The following GALNT14 variants were observed in gnomAD, a reference collection of about 807,000 sequenced individuals.
The protein encoded by GALNT14 is polypeptide N-acetylgalactosaminyltransferase 14, also known as UDP-GalNAc:polypeptide N-acetylgalactosaminyltransferase 14.
GALNT14 carries 60 observed loss-of-function variants against 77.5 expected under a neutral mutation model. The ratio of observed to expected loss-of-function variants is 0.77; its 90% CI spans 0.63 to 0.96. The LOEUF is 0.96. Ranked by LOEUF, GALNT14 falls within the 40% of genes least tolerant of loss-of-function variation. The pLI is 0.00. For missense variants in GALNT14, 710 were observed against 731.0 expected (o/e 0.97, Z 0.33); for synonymous variants, 280 against 281.7 (o/e 0.99, Z 0.06).
intron 1 of GALNT14, among the ~76,000 whole-genome samples, chr2:31,075,579 G>A (rs1209189809): frequency 6.6e-6 from 1 of 152,224 alleles, no homozygotes; most frequent in East Asian, 1.9e-4. Context: ...ACAGCAGGAA[G>A]AGGCTCAGCT....
intron 13 of GALNT14, among the ~76,000 whole-genome samples, chr2:30,915,792 A>G (rs532161271): frequency 4.2e-4 from 64 of 152,324 alleles, no homozygotes; most frequent in Non-Finnish European, 6.6e-4. Flanking sequence ...CAGGCCTCTA[A>G]GACAACTTTC....
At chr2:31,025,693 A>C (rs1400415571) in intron 1 of GALNT14, among the ~76,000 whole-genome samples, 1 of 152,220 alleles carries the variant, frequency 6.6e-6, no homozygotes, top group Non-Finnish European at 1.5e-5. Context: ...GGGCAAGTGC[A>C]TGTGAGTTCT....
chr2:31,074,917 T>C (rs950288290), intron 1 of GALNT14, among the ~76,000 whole-genome samples: 1 of 152,176 alleles, frequency 6.6e-6, no homozygotes, highest in Non-Finnish European at 1.5e-5. Flanking sequence ...GGATCTAGGA[T>C]GTGACTGTGG....
intron 1 of GALNT14, among the ~76,000 whole-genome samples, chr2:31,100,096 T>G (rs922463970): frequency 3.3e-5 from 5 of 152,018 alleles, no homozygotes; most frequent in African/African-American, 1.2e-4. Flanking sequence ...AATTTATTAT[T>G]AGTTCTTTTA....
chr2:30,994,760 T>C (rs1669918033), intron 1 of GALNT14, among the ~76,000 whole-genome samples: 1 of 152,158 alleles, frequency 6.6e-6, no homozygotes, highest in Admixed American at 6.5e-5. Context: ...TCCAATTTAA[T>C]TCATCACAAT....
At chr2:31,029,748 A>G (rs554435188) in intron 1 of GALNT14, among the ~76,000 whole-genome samples, 1 of 152,328 alleles carries the variant, frequency 6.6e-6, no homozygotes, top group South Asian at 2.1e-4. Flanking sequence ...CCTGTTGCAG[A>G]GTGCTACTCA....
intron 1 of GALNT14, among the ~76,000 whole-genome samples, chr2:31,023,177 AC>A (rs201288537): frequency 1.7e-5 from 1 of 60,378 alleles, no homozygotes; most frequent in Non-Finnish European, 4.1e-5. Flanking sequence ...AAAAACAAAA[AC>A]AAAACAAGGT....
intron 10 of GALNT14, among the ~76,000 whole-genome samples, chr2:30,930,734 T>C (rs567612403): frequency 6.6e-6 from 1 of 152,362 alleles, no homozygotes; most frequent in East Asian, 1.9e-4. Flanking sequence ...AGCTAGGACC[T>C]GCAATGACAG....
chr2:31,075,124 TAA>T (rs1675678725), intron 1 of GALNT14, among the ~76,000 whole-genome samples: 1 of 152,204 alleles, frequency 6.6e-6, no homozygotes, highest in Non-Finnish European at 1.5e-5. Flanking sequence ...TCTGGTTGTT[TAA>T]AAGAGTGTGG....
chr2:30,944,132 C>T (rs1000170540), intron 8 of GALNT14, among the ~76,000 whole-genome samples: 5 of 152,180 alleles, frequency 3.3e-5, no homozygotes, highest in African/African-American at 1.2e-4. Flanking sequence ...TAAGTATTCC[C>T]AAGAGGCCCG....
intron 1 of GALNT14, among the ~76,000 whole-genome samples, chr2:31,098,491 T>A (rs1035135530): frequency 2.0e-5 from 3 of 152,146 alleles, no homozygotes; most frequent in Non-Finnish European, 2.9e-5. Flanking sequence ...TAAAAAGGCA[T>A]GCAATGAAAC....
At chr2:30,992,707 A>G in intron 2 of GALNT14, 131 bp downstream of exon 2, 3 of 1,031,480 alleles carry the variant, frequency 2.9e-6, no homozygotes, top group Non-Finnish European at 4.3e-6. Flanking sequence ...GAATCCCTTT[A>G]GTGTTCAACT....
chr2:30,898,689 C>T, the GALNT14 span, among the ~76,000 whole-genome samples: 6 of 152,166 alleles, frequency 3.9e-5, no homozygotes, highest in Non-Finnish European at 1.5e-5. Context: ...GAAAGATAAG[C>T]TCAGGCTCAC....
Position 30,966,186 on chromosome 2 carries a change from C to G in GALNT14, c.398+18G>C. ...TGCTGGCCCAGAGCTGGCCAACAGA[C>G]AAGCAAGGATGCCTCACCTGCGGAT... On this transcript the variant is annotated intron_variant, in intron 3 of 14. Coordinates refer to ENST00000349752, the MANE Select transcript of GALNT14 (RefSeq NM_024572.4). 6.2e-7 allele frequency: 1 copy of G among 1,609,860 alleles called. No individual in the cohort carries two copies. The highest frequency in any genetic ancestry group is 1.3e-5 in the African/African-American group (1 of 74,966).
At chr2:31,123,194 A>AAC (rs1678509803) in intron 1 of GALNT14, among the ~76,000 whole-genome samples, 3 of 151,698 alleles carry the variant, frequency 2.0e-5, no homozygotes, top group African/African-American at 4.8e-5. Flanking sequence ...AAAAAAAAAA[A>AAC]AAAAAAACTT....
chr2:31,101,043 T>G (rs1024316630), intron 1 of GALNT14, among the ~76,000 whole-genome samples: 1 of 152,090 alleles, frequency 6.6e-6, no homozygotes, highest in Non-Finnish European at 1.5e-5. Context: ...TTTACCATAA[T>G]AAAATCAAAA....
At chr2:31,131,276 T>C (rs937771032) in intron 1 of GALNT14, among the ~76,000 whole-genome samples, 1 of 152,148 alleles carries the variant, frequency 6.6e-6, no homozygotes, top group Admixed American at 6.5e-5. Flanking sequence ...CTGAGGACCC[T>C]GTGAGGAAAA....
chr2:31,010,147 G>A (rs546963122), intron 1 of GALNT14, among the ~76,000 whole-genome samples: 1 of 152,290 alleles, frequency 6.6e-6, no homozygotes, highest in Admixed American at 6.5e-5. Context: ...CACCACATCT[G>A]CCTAATTTTT....
intron 1 of GALNT14, among the ~76,000 whole-genome samples, chr2:31,104,987 C>T (rs1677483628): frequency 6.6e-6 from 1 of 152,172 alleles, no homozygotes; most frequent in South Asian, 2.1e-4. Flanking sequence ...ACCCACAGGA[C>T]AGCACCCATC....
Sources: gnomAD v4.1 joint callset for allele counts (sites outside exome capture counted in the v4.1 genomes callset) on GRCh38, gnomAD v4.1.1 for gene constraint, MANE v1.5 for transcripts, NCBI Gene and HGNC (gene_info 2026-07-23, HGNC 2026-07-21) for gene names.